The following MYOM2 variants were observed in gnomAD, a reference collection of about 807,000 sequenced individuals.
MYOM2 encodes myomesin 2, also known as myomesin-2.
A neutral mutation model predicts 187.6 loss-of-function variants in MYOM2; 254 were observed. The ratio of observed to expected loss-of-function variants is 1.35; its 90% confidence interval spans 1.22 to 1.50. The LOEUF (loss-of-function observed/expected upper bound fraction) is 1.50, where lower values mean the gene tolerates loss of function less well. Among genes scored for constraint, MYOM2 ranks in the 40% most tolerant of loss-of-function variants. The probability of loss-of-function intolerance (pLI) is 0.00; values close to 1 mark genes in which losing one functional copy is unlikely to be tolerated. For missense variants in MYOM2, 2,796 were observed against 1,924.0 expected (o/e 1.45, Z -8.48); for synonymous variants, 981 against 753.8 (o/e 1.30, Z -4.94).
intron 6 of MYOM2, among the ~76,000 whole-genome samples, chr8:2,065,585 C>T (rs76691993): frequency 5.3e-5 from 8 of 152,094 alleles, no homozygotes; most frequent in East Asian, 1.9e-4. Flanking sequence ...AAAAGAGCCT[C>T]GGCAACTATT....
intron 3 of MYOM2, among the ~76,000 whole-genome samples, chr8:2,056,009 C>T (rs7827194): frequency 5.1e-4 from 78 of 152,312 alleles, no homozygotes; most frequent in African/African-American, 1.8e-3. Context: ...CCCTGCCACT[C>T]GGGAACGAAC....
intron 15 of MYOM2, among the ~76,000 whole-genome samples, chr8:2,090,697 C>T (rs1796270916): frequency 6.6e-6 from 1 of 152,196 alleles, no homozygotes; most frequent in Admixed American, 6.5e-5. Flanking sequence ...TTAGCTCCCA[C>T]TTATGAGTGA....
At position 2,073,387 on chromosome 8, in the gene MYOM2, G is replaced by T. The variant is rs1398647322; in HGVS notation, c.1007G>T (p.Gly336Val). ...TGGACGAAGATGTTCTTTGGAGAAG[G>T]CCAGGCCTCCCTGTCCTTCAGCCAC... ...SKWTKMFFGEGQASLSFSHLH... is the reference protein window; with the variant it reads ...SKWTKMFFGEVQASLSFSHLH... The change falls in exon 10 of 37, where the codon GGC (glycine) becomes GTC (valine). Residue 336 changes from glycine (G) to valine (V), a missense_variant. Gly to Val is a moderately radical substitution (Grantham distance 109, BLOSUM62 -3). Coordinates refer to ENST00000262113, the MANE Select transcript of MYOM2 (RefSeq NM_003970.4). 11 of 1,613,224 alleles carry T rather than the reference G, an allele frequency of 6.8e-6. No individual in the cohort carries two copies. Among genetic ancestry groups the T allele is most frequent in the South Asian group, 1.1e-5 (1 of 90,912 alleles).
At chr8:2,054,283 C>G (rs73186705) in intron 3 of MYOM2, among the ~76,000 whole-genome samples, 5,525 of 152,276 alleles carry the variant, frequency 0.036, 158 homozygotes, top group Middle Eastern at 0.075. Flanking sequence ...TGAAGGCACT[C>G]AACACGTCCT....
intron 36 of MYOM2, among the ~76,000 whole-genome samples, chr8:2,144,380 A>C (rs945203367): frequency 2.6e-5 from 4 of 152,236 alleles, no homozygotes; most frequent in Non-Finnish European, 4.4e-5. Flanking sequence ...ATTACTTTCA[A>C]ATTCTTTAAT....
intron 25 of MYOM2, among the ~76,000 whole-genome samples, chr8:2,111,072 T>C (rs1797054348): frequency 6.6e-6 from 1 of 152,208 alleles, no homozygotes; most frequent in African/African-American, 2.4e-5. Flanking sequence ...TGCTATGAAA[T>C]GAAAGGGAAT....
Position 2,092,403 on chromosome 8 carries a change from T to C in MYOM2, c.1886T>C (p.Val629Ala). 2 of 1,614,108 alleles carry C rather than the reference T, an allele frequency of 1.2e-6. No individual in the cohort carries two copies. Among genetic ancestry groups the C allele is most frequent in the Non-Finnish European group, 1.7e-6 (2 of 1,180,008 alleles). ...LASRNTKTSV[V>A]VQWDRPKHEE... is the part of the protein sequence containing the mutation. The stretch of plus-strand genomic sequence containing the variant: ...TCCCGAAACACCAAGACGTCGGTGG[T>C]GGTGCAGTGGGACCGACCTAAGCAT... Residue 629 changes from valine (V) to alanine (A), a missense_variant, in exon 16 of 37, where the codon GTG (valine) becomes GCG (alanine). Val to Ala is a moderately conservative substitution (Grantham distance 64). Coordinates refer to ENST00000262113, the MANE Select transcript of MYOM2 (RefSeq NM_003970.4).
intron 36 of MYOM2, 118 bp downstream of exon 36, chr8:2,143,574 C>G: frequency 7.9e-7 from 1 of 1,258,230 alleles, no homozygotes; most frequent in South Asian, 1.2e-5. Context: ...CTCACTCAGC[C>G]TGCAGGGAAC....
Position 2,052,211 on chromosome 8 carries a change from C to T in MYOM2, c.161C>T (p.Ser54Leu), listed in dbSNP as rs1481405700. ...SQKSLSQRSS[S>L]QRASSQTSLG... is the part of the protein sequence containing the mutation. ...AAGTCCTTGAGTCAGCGGTCGTCTT[C>T]ACAGAGAGCCTCCAGCCAGACGTCC... Residue 54 changes from serine (S) to leucine (L), a missense_variant, in exon 3 of 37, where the codon TCA (serine) becomes TTA (leucine). Physicochemically the swap from Ser to Leu is moderately radical, Grantham distance 145 (BLOSUM62 -2). Coordinates refer to ENST00000262113, the MANE Select transcript of MYOM2 (RefSeq NM_003970.4). 1 of 1,613,302 alleles carries T rather than the reference C, an allele frequency of 6.2e-7. No homozygotes were observed. Among genetic ancestry groups the T allele is most frequent in the South Asian group, 1.1e-5 (1 of 90,746 alleles).
At chr8:2,053,324 A>G (rs190065210) in intron 3 of MYOM2, among the ~76,000 whole-genome samples, 24 of 152,338 alleles carry the variant, frequency 1.6e-4, no homozygotes, top group Admixed American at 5.2e-4. Flanking sequence ...GTGTAAAGTG[A>G]AGATTTCTTT....
chr8:2,139,707 C>T (rs1452634824), intron 32 of MYOM2, among the ~76,000 whole-genome samples: 1 of 152,130 alleles, frequency 6.6e-6, no homozygotes, highest in East Asian at 1.9e-4. Context: ...TTGGGTGGCC[C>T]TGGAGTCCGT....
chr8:2,109,655 C>A, intron 25 of MYOM2, 124 bp downstream of exon 25: 2 of 1,067,780 alleles, frequency 1.9e-6, no homozygotes, highest in Non-Finnish European at 2.6e-6. Context: ...AAGATTGGGG[C>A]ATGGAAGGTT....
intron 16 of MYOM2, among the ~76,000 whole-genome samples, chr8:2,093,532 T>A (rs897762907): frequency 2.6e-5 from 4 of 152,204 alleles, no homozygotes; most frequent in African/African-American, 9.7e-5. Context: ...GGAGGTTGAT[T>A]AAGACCATAA....
In MYOM2 at chr8:2,077,066, C is replaced by G. The variant is rs185623438; in HGVS notation, c.1262+784C>G. On this transcript the variant is annotated intron_variant, in intron 11 of 36. Coordinates refer to ENST00000262113, the MANE Select transcript of MYOM2 (RefSeq NM_003970.4). ...GTGGCTCACGCCTGTAATCCCAGCA[C>G]TTTGGGAGGCCAACGCGGGCGGATT... Among the ~76,000 whole-genome samples, 80 of 152,314 alleles carry G rather than the reference C, an allele frequency of 5.3e-4. 1 individual carries two copies. The East Asian group carries it at 0.014, about 28-fold the overall frequency.
chr8:2,074,495 C>T (rs1451928480), intron 10 of MYOM2, among the ~76,000 whole-genome samples: 1 of 152,102 alleles, frequency 6.6e-6, no homozygotes, highest in Non-Finnish European at 1.5e-5. Context: ...CACTCTGTCG[C>T]CCAGGCTGGA....
At chr8:2,068,172 C>CCG (rs1363324885) in intron 6 of MYOM2, among the ~76,000 whole-genome samples, 1 of 151,356 alleles carries the variant, frequency 6.6e-6, no homozygotes, top group Non-Finnish European at 1.5e-5. Context: ...TCTTCAATGC[C>CCG]TGTGCACACC....
At chr8:2,068,156 G>A (rs1819080865) in intron 6 of MYOM2, among the ~76,000 whole-genome samples, 1 of 151,018 alleles carries the variant, frequency 6.6e-6, no homozygotes. Context: ...ACCGGGGGGC[G>A]GCAGCTCTTC....
At chr8:2,100,149 C>CTTCCTTCCTTCT (rs1563055195) in intron 19 of MYOM2, among the ~76,000 whole-genome samples, 1 of 130,578 alleles carries the variant, frequency 7.7e-6, no homozygotes, top group African/African-American at 3.0e-5. Flanking sequence ...TCCTTCCTTC[C>CTTCCTTCCTTCT]TTCCTTCCTT....
At position 2,106,340 on chromosome 8, in the gene MYOM2, A is replaced by G. The variant is rs1225119052; in HGVS notation, c.2833A>G (p.Lys945Glu). 2 of 1,614,192 alleles carry G rather than the reference A, an allele frequency of 1.2e-6. No individual in the cohort carries two copies. Among genetic ancestry groups the G allele is most frequent in the Non-Finnish European group, 1.7e-6 (2 of 1,180,008 alleles). ...AGACGCGTCTCAGTTCACCTGGTGTAAATCCTACGAGGAGATTTCAGATGA... is the reference window on the plus strand; with the variant it reads ...AGACGCGTCTCAGTTCACCTGGTGTGAATCCTACGAGGAGATTTCAGATGA... Reference protein sequence around the residue: ...MTDASQFTWCKSYEEISDDER... With the variant: ...MTDASQFTWCESYEEISDDER... The change falls in exon 22 of 37, where the codon AAA becomes GAA. Residue 945 changes from lysine (K) to glutamate (E), a missense_variant. Lys to Glu is a moderately conservative substitution (Grantham distance 56). Transcript: ENST00000262113.
Sources: gnomAD v4.1 joint callset for allele counts (sites outside exome capture counted in the v4.1 genomes callset) on GRCh38, gnomAD v4.1.1 for gene constraint, MANE v1.5 for transcripts, NCBI Gene and HGNC (gene_info 2026-07-23, HGNC 2026-07-21) for gene names.